The following SCMH1 variants were observed in gnomAD, a reference collection of about 807,000 sequenced individuals.
The protein encoded by SCMH1 is polycomb protein SCMH1.
In SCMH1, 37 loss-of-function variants were observed where a neutral mutation model predicts 70.8. The observed-to-expected ratio is 0.52, with a 90% CI of 0.40 to 0.69. The LOEUF (loss-of-function observed/expected upper bound fraction) is 0.69. Among genes scored for constraint, SCMH1 ranks in the 30% least tolerant of loss-of-function variants. The probability of loss-of-function intolerance (pLI) is 0.00; values close to 1 mark genes in which losing one functional copy is unlikely to be tolerated. For synonymous variants in SCMH1, 292 were observed against 307.4 expected, an observed-to-expected ratio of 0.95 and a Z score of 0.52; for missense variants, 607 against 827.3, an observed-to-expected ratio of 0.73 and a Z score of 3.27.
At chr1:41,138,715 A>AT (rs1407392190) in intron 6 of SCMH1, among the ~76,000 whole-genome samples, 1 of 151,910 alleles carries the variant, frequency 6.6e-6, no homozygotes, top group Non-Finnish European at 1.5e-5. Context: ...GATTCAAGGT[A>AT]TTTTTTTCAT....
At chr1:41,150,936 CA>C (rs71062579) in intron 5 of SCMH1, among the ~76,000 whole-genome samples, 29 of 76,516 alleles carry the variant, frequency 3.8e-4, no homozygotes, top group Middle Eastern at 7.6e-3. Flanking sequence ...GACACCATCT[CA>C]AAAAAAAAAA....
intron 1 of SCMH1, among the ~76,000 whole-genome samples, chr1:41,223,291 C>T (rs1659646391): frequency 6.6e-6 from 1 of 152,312 alleles, no homozygotes; most frequent in South Asian, 2.1e-4. Context: ...TTCCTGTCCA[C>T]TGAAATGCAA....
exon 9 of SCMH1, chr1:41,075,349 C>A: frequency 6.2e-7 from 1 of 1,614,160 alleles, no homozygotes; most frequent in Non-Finnish European, 8.5e-7. Context: ...TTTACGCCCC[C>A]TCTGCCCTGG....
intron 7 of SCMH1, among the ~76,000 whole-genome samples, chr1:41,114,572 T>C (rs928005765): frequency 6.6e-6 from 1 of 150,820 alleles, no homozygotes; most frequent in African/African-American, 2.4e-5. Context: ...AATTTATAGA[T>C]AAATTTGGGT....
At chr1:41,104,727 G>A (rs1357425885) in intron 8 of SCMH1, among the ~76,000 whole-genome samples, 6 of 152,122 alleles carry the variant, frequency 3.9e-5, no homozygotes, top group African/African-American at 1.2e-4. Flanking sequence ...GAGACAAGAG[G>A]GGTATATTAG....
intron 6 of SCMH1, among the ~76,000 whole-genome samples, chr1:41,132,358 G>A (rs928741080): frequency 6.6e-6 from 1 of 152,186 alleles, no homozygotes; most frequent in Admixed American, 6.5e-5. Context: ...TTTGAGAAGT[G>A]TCTGTTCATA....
At chr1:41,108,552 G>T (rs916933898) in intron 8 of SCMH1, among the ~76,000 whole-genome samples, 4 of 152,216 alleles carry the variant, frequency 2.6e-5, no homozygotes, top group African/African-American at 9.6e-5. Flanking sequence ...AAAAGCTTCT[G>T]CCTTTTATAA....
chr1:41,048,993 A>G (rs1647165335), intron 10 of SCMH1, 103 bp from the exon 11 acceptor site: 3 of 1,059,450 alleles, frequency 2.8e-6, no homozygotes, highest in Non-Finnish European at 4.1e-6. Context: ...TCTGGTTCCT[A>G]ACAGAATTCC....
chr1:41,059,649 C>G (rs1651846361), intron 10 of SCMH1, among the ~76,000 whole-genome samples: 1 of 152,190 alleles, frequency 6.6e-6, no homozygotes, highest in Admixed American at 6.5e-5. Context: ...GGGCACTGAG[C>G]TGGTTTACAC....
In SCMH1 at chr1:41,028,573, G is replaced by C. The variant is rs752214664; in HGVS notation, c.1821+11C>G. 6.2e-7 allele frequency: 1 copy of C among 1,614,100 alleles called. No individual in the cohort carries two copies. The highest frequency in any genetic ancestry group is 1.1e-5 in the South Asian group (1 of 91,078). ...CAGGTTCCTACTGAGAGGTCAGGCA[G>C]CAGCACCTACGTGTTTGCGAAACAG... On this transcript the variant is annotated intron_variant, in intron 14 of 14. Transcript: ENST00000337495.
intron 6 of SCMH1, among the ~76,000 whole-genome samples, chr1:41,119,194 T>C (rs1377584014): frequency 1.3e-5 from 2 of 152,112 alleles, no homozygotes; most frequent in Non-Finnish European, 2.9e-5. Context: ...AAGTATCAAT[T>C]AACAACTGTA....
chr1:41,069,958 G>C (rs1655914527), intron 10 of SCMH1, among the ~76,000 whole-genome samples: 1 of 152,170 alleles, frequency 6.6e-6, no homozygotes, highest in East Asian at 1.9e-4. Flanking sequence ...AGAAGAAGAT[G>C]GAGTGTCTGC....
intron 5 of SCMH1, among the ~76,000 whole-genome samples, chr1:41,144,563 C>T (rs1644380648): frequency 6.6e-6 from 1 of 151,986 alleles, no homozygotes; most frequent in Non-Finnish European, 1.5e-5. Context: ...ATGTGATAAA[C>T]ATTTATGGTA....
intron 10 of SCMH1, among the ~76,000 whole-genome samples, chr1:41,069,122 C>G (rs981835988): frequency 3.9e-5 from 6 of 152,020 alleles, no homozygotes; most frequent in Admixed American, 3.3e-4. Flanking sequence ...TGTTGAGCAA[C>G]AAAGGAAAAG....
At chr1:41,164,296 C>A in intron 2 of SCMH1, among the ~76,000 whole-genome samples, 1 of 152,076 alleles carries the variant, frequency 6.6e-6, no homozygotes, top group East Asian at 1.9e-4. Context: ...AGCTATAATT[C>A]TCAAATGCCA....
At chr1:41,206,947 A>G (rs898156995) in intron 1 of SCMH1, among the ~76,000 whole-genome samples, 2 of 152,240 alleles carry the variant, frequency 1.3e-5, no homozygotes, top group Non-Finnish European at 2.9e-5. Flanking sequence ...ACTAAGCTTC[A>G]TAAGTGAAGG....
At chr1:41,029,675 C>T (rs1644252176) in intron 13 of SCMH1, among the ~76,000 whole-genome samples, 1 of 152,154 alleles carries the variant, frequency 6.6e-6, no homozygotes, top group South Asian at 2.1e-4. Context: ...ATTCTCTCTG[C>T]TTGGAATCTG....
chr1:41,198,396 T>C (rs537046388), intron 1 of SCMH1, among the ~76,000 whole-genome samples: 3 of 152,352 alleles, frequency 2.0e-5, no homozygotes, highest in African/African-American at 4.8e-5. Flanking sequence ...CCTGTCTTTA[T>C]AGCAGGAGTC....
chr1:41,228,667 T>C (rs1458063007), intron 1 of SCMH1, among the ~76,000 whole-genome samples: 1 of 151,554 alleles, frequency 6.6e-6, no homozygotes, highest in Non-Finnish European at 1.5e-5. Flanking sequence ...CACCTGTGGT[T>C]CCAGGTACTT....
Sources: gnomAD v4.1 joint callset for allele counts (sites outside exome capture counted in the v4.1 genomes callset) on GRCh38, gnomAD v4.1.1 for gene constraint, MANE v1.5 for transcripts, NCBI Gene and HGNC (gene_info 2026-07-23, HGNC 2026-07-21) for gene names.